Variants in CADPS observed in about 807,000 individuals in gnomAD.
CADPS encodes the protein calcium-dependent secretion activator 1.
Under a neutral mutation model 167.3 loss-of-function variants are expected in CADPS, and 57 were observed. The ratio of observed to expected loss-of-function variants is 0.34; its 90% CI spans 0.28 to 0.42. CADPS has a LOEUF of 0.42. Ranked by LOEUF, CADPS falls within the 20% of genes least tolerant of loss-of-function variation. The pLI, the probability that CADPS is intolerant of heterozygous loss-of-function variation, is 1.00. For synonymous variants in CADPS, 676 were observed against 635.3 expected (o/e 1.06, Z -0.96); for missense variants, 1,414 against 1,738.1 (o/e 0.81, Z 3.32).
intron 1 of CADPS, among the ~76,000 whole-genome samples, chr3:62,798,354 TTCC>T (rs2093570637): frequency 6.6e-6 from 1 of 152,092 alleles, no homozygotes; most frequent in South Asian, 2.1e-4. Flanking sequence ...TTCATCCTCC[TTCC>T]AGCAGGAAGC....
chr3:62,716,389 G>A (rs1382841485), intron 3 of CADPS, among the ~76,000 whole-genome samples: 2 of 152,178 alleles, frequency 1.3e-5, no homozygotes, highest in African/African-American at 4.8e-5. Context: ...GAGAATGGTA[G>A]AAAAGTTTCT....
intron 1 of CADPS, among the ~76,000 whole-genome samples, chr3:62,863,920 G>T (rs2081249802): frequency 1.3e-5 from 2 of 152,188 alleles, no homozygotes; most frequent in South Asian, 4.1e-4. Flanking sequence ...AAGAAAAATT[G>T]TATCATTGAA....
At chr3:62,614,420 G>A (rs1214822479) in intron 6 of CADPS, among the ~76,000 whole-genome samples, 1 of 152,182 alleles carries the variant, frequency 6.6e-6, no homozygotes, top group Admixed American at 6.5e-5. Context: ...TCCTTGTTGA[G>A]CATTTTAATG....
At chr3:62,557,595 A>C (rs573915883) in intron 9 of CADPS, 82 bp from the exon 10 acceptor site, 2 of 1,074,974 alleles carry the variant, frequency 1.9e-6, no homozygotes, top group East Asian at 2.4e-5. Flanking sequence ...CTCTCCTCTG[A>C]GGATCTGGAC....
At chr3:62,486,883 GT>G (rs150187110) in intron 21 of CADPS, among the ~76,000 whole-genome samples, 1,768 of 152,318 alleles carry the variant, frequency 0.012, 37 homozygotes, top group African/African-American at 0.039. Flanking sequence ...TTAATTACAT[GT>G]AGATTAAGGA....
chr3:62,531,996 G>T (rs1227104851), intron 13 of CADPS, among the ~76,000 whole-genome samples: 1 of 152,162 alleles, frequency 6.6e-6, no homozygotes, highest in Non-Finnish European at 1.5e-5. Flanking sequence ...AAATGAGGGG[G>T]TTGATTAGAC....
intron 3 of CADPS, among the ~76,000 whole-genome samples, chr3:62,706,766 G>A (rs192099349): frequency 6.6e-6 from 1 of 152,162 alleles, no homozygotes; most frequent in East Asian, 1.9e-4. Flanking sequence ...TAATGGATTA[G>A]GGCTGACCCT....
chr3:62,778,004 T>A (rs1486166415), intron 1 of CADPS, among the ~76,000 whole-genome samples: 1 of 152,240 alleles, frequency 6.6e-6, no homozygotes, highest in Non-Finnish European at 1.5e-5. Context: ...ATTACAATGC[T>A]ATTTATCATT....
intron 1 of CADPS, among the ~76,000 whole-genome samples, chr3:62,809,390 G>T (rs542019958): frequency 6.6e-6 from 1 of 152,280 alleles, no homozygotes; most frequent in African/African-American, 2.4e-5. Flanking sequence ...GGATGCCAGT[G>T]CCACAGGCCT....
intron 1 of CADPS, among the ~76,000 whole-genome samples, chr3:62,831,487 C>T (rs2075075589): frequency 6.6e-6 from 1 of 152,130 alleles, no homozygotes; most frequent in African/African-American, 2.4e-5. Context: ...AAAACCTGGA[C>T]TGCTGGCATG....
chr3:62,583,512 G>T (rs980092908), intron 8 of CADPS, among the ~76,000 whole-genome samples: 11 of 152,260 alleles, frequency 7.2e-5, no homozygotes, highest in African/African-American at 2.4e-4. Context: ...CTTGACAAAG[G>T]ACTGAGTGTG....
At chr3:62,619,231 C>A in intron 6 of CADPS, among the ~76,000 whole-genome samples, 1 of 152,130 alleles carries the variant, frequency 6.6e-6, no homozygotes, top group East Asian at 1.9e-4. Flanking sequence ...ACAGTGGTAC[C>A]TGCAGCATAA....
chr3:62,692,566 C>T lies in CADPS; in HGVS notation c.889-30172G>A, dbSNP rs375169602. Among the ~76,000 whole-genome samples, 7 of 152,048 alleles carry T rather than the reference C, an allele frequency of 4.6e-5. No homozygotes were observed. In the East Asian group the frequency reaches 5.8e-4, roughly 13 times the overall value. On this transcript the variant is annotated intron_variant, in intron 3 of 29. Coordinates refer to ENST00000383710, the MANE Select transcript of CADPS (RefSeq NM_003716.4). ...AGTCTTTTGGAAATCCATAAACCTA[C>T]ATCTCACTGGCCTATCACAAACATA... is the stretch of plus-strand genomic sequence containing the variant.
chr3:62,855,855 TA>T (rs1347097550), intron 1 of CADPS, among the ~76,000 whole-genome samples: 1 of 152,164 alleles, frequency 6.6e-6, no homozygotes, highest in Non-Finnish European at 1.5e-5. Context: ...TAAGGGGCAA[TA>T]TGATAAAAAA....
At chr3:62,606,830 T>C (rs1304320697) in intron 6 of CADPS, among the ~76,000 whole-genome samples, 3 of 152,202 alleles carry the variant, frequency 2.0e-5, no homozygotes, top group Non-Finnish European at 4.4e-5. Context: ...CCTTTCAGCC[T>C]GGATCCCAGA....
chr3:62,784,785 A>G (rs568864728), intron 1 of CADPS, among the ~76,000 whole-genome samples: 4 of 151,868 alleles, frequency 2.6e-5, no homozygotes, highest in South Asian at 4.1e-4. Context: ...AGGGAGAGAG[A>G]AATTCTATAG....
chr3:62,861,239 A>G (rs1212155712), intron 1 of CADPS, among the ~76,000 whole-genome samples: 2 of 152,222 alleles, frequency 1.3e-5, no homozygotes, highest in African/African-American at 4.8e-5. Flanking sequence ...GTGGTTCACA[A>G]TGTTATGCAG....
At chr3:62,574,197 C>G (rs903678071) in intron 8 of CADPS, among the ~76,000 whole-genome samples, 1 of 152,164 alleles carries the variant, frequency 6.6e-6, no homozygotes, top group African/African-American at 2.4e-5. Flanking sequence ...ATGCTCCATT[C>G]ATCCCATGGT....
At chr3:62,407,979 C>A (rs1459200096) in intron 28 of CADPS, among the ~76,000 whole-genome samples, 1 of 152,194 alleles carries the variant, frequency 6.6e-6, no homozygotes, top group Non-Finnish European at 1.5e-5. Context: ...AGGTGATCTG[C>A]CCATCTTGGC....
Sources: gnomAD v4.1 joint callset for allele counts (sites outside exome capture counted in the v4.1 genomes callset) on GRCh38, gnomAD v4.1.1 for gene constraint, MANE v1.5 for transcripts, NCBI Gene and HGNC (gene_info 2026-07-23, HGNC 2026-07-21) for gene names.